Variants in PPP2R5E observed in about 807,000 individuals in gnomAD.
PPP2R5E encodes serine/threonine-protein phosphatase 2A 56 kDa regulatory subunit epsilon isoform.
Under a neutral mutation model 65.3 loss-of-function variants are expected in PPP2R5E, and 4 were observed. The observed-to-expected ratio is 0.06, with a 90% CI of 0.03 to 0.14. PPP2R5E has a LOEUF of 0.14. Ranked by LOEUF, PPP2R5E falls within the 10% of genes least tolerant of loss-of-function variation. The pLI, the probability that PPP2R5E is intolerant of heterozygous loss-of-function variation, is 1.00. For missense variants in PPP2R5E, 274 were observed against 556.1 expected, an observed-to-expected ratio of 0.49 and a Z score of 5.10; for synonymous variants, 183 against 187.4, an observed-to-expected ratio of 0.98 and a Z score of 0.19.
chr14:63,384,360 A>G, intron 12 of PPP2R5E, 84 bp downstream of exon 12: 4 of 1,468,172 alleles, frequency 2.7e-6, no homozygotes, highest in Non-Finnish European at 3.8e-6. Context: ...AGCAACAAGG[A>G]CAGCATCTGG....
chr14:63,519,668 C>CT (rs879481527), intron 2 of PPP2R5E, among the ~76,000 whole-genome samples: 2,882 of 140,204 alleles, frequency 0.021, 90 homozygotes, highest in African/African-American at 0.062. Flanking sequence ...GACAAACTCT[C>CT]TTTTTTTTTT....
In PPP2R5E at chr14:63,448,957, T is replaced by C. The variant is rs139621043; in HGVS notation, c.354+4732A>G. 4.8e-3 allele frequency among the ~76,000 whole-genome samples: 729 copies of C among 152,296 alleles called. 25 individuals carry two copies. The highest frequency in any genetic ancestry group is 0.038 in the Admixed American group (580 of 15,308). ...TGTTAAAAATGGTTTCCACAACACA[T>C]AGATTACTTTTATCTCTTACTCTTT... On this transcript the variant is annotated intron_variant, in intron 3 of 13. Transcript: ENST00000337537.
chr14:63,519,867 G>T (rs555375731), intron 2 of PPP2R5E, among the ~76,000 whole-genome samples: 10 of 151,288 alleles, frequency 6.6e-5, no homozygotes, highest in African/African-American at 2.4e-4. Flanking sequence ...TCACCATGTT[G>T]ATCAGGCTGG....
chr14:63,394,058 A>C, intron 7 of PPP2R5E, 130 bp from the exon 8 acceptor site: 1 of 378,458 alleles, frequency 2.6e-6, no homozygotes, highest in Non-Finnish European at 4.8e-6. Flanking sequence ...CCCCAGTGGC[A>C]TTCAGAATTT....
At chr14:63,500,654 G>C (rs1431239152) in intron 2 of PPP2R5E, among the ~76,000 whole-genome samples, 4 of 152,082 alleles carry the variant, frequency 2.6e-5, no homozygotes, top group African/African-American at 9.7e-5. Flanking sequence ...AAGAGTTTGA[G>C]ACAATAGAGC....
At chr14:63,449,602 T>G (rs763901359) in intron 3 of PPP2R5E, among the ~76,000 whole-genome samples, 115 of 152,196 alleles carry the variant, frequency 7.6e-4, no homozygotes, top group South Asian at 2.1e-3. Flanking sequence ...TAAGCACACG[T>G]TCTATGGACT....
intron 2 of PPP2R5E, among the ~76,000 whole-genome samples, chr14:63,521,023 A>G (rs1299891531): frequency 6.6e-6 from 1 of 152,060 alleles, no homozygotes; most frequent in African/African-American, 2.4e-5. Context: ...TGGGCAACAG[A>G]GTGAGACTCT....
intron 3 of PPP2R5E, among the ~76,000 whole-genome samples, chr14:63,422,729 TAAAAAAAAAAAA>T (rs567590182): frequency 0.036 from 3,157 of 88,252 alleles, 65 homozygotes; most frequent in Non-Finnish European, 0.049. Flanking sequence ...TCCGTCTATT[TAAAAAAAAAAAA>T]AAAAAAAAAA....
chr14:63,519,507 ATTT>A (rs557285871), intron 2 of PPP2R5E, among the ~76,000 whole-genome samples: 1 of 124,322 alleles, frequency 8.0e-6, no homozygotes. Flanking sequence ...TGCCCAGCTA[ATTT>A]TTTTTTTTTT....
chr14:63,392,020 T>C lies in PPP2R5E; in HGVS notation c.855A>G (p.Ala285=), dbSNP rs140406327. The C allele has an allele frequency of 1.3e-5, 21 of 1,599,148 alleles. 1 individual carries two copies. Among genetic ancestry groups the C allele is most frequent in the South Asian group, 3.4e-5 (3 of 86,980 alleles). Residue 285 remains alanine (A), a synonymous_variant, in exon 9 of 14, where the codon GCA becomes GCG. Coordinates refer to ENST00000337537, the MANE Select transcript of PPP2R5E (RefSeq NM_006246.5). ...TCTCCAGAAACTGTACTATACAATA[T>C]GCCAGCTGAGTAAAAAATAAAATAA... is the stretch of plus-strand genomic sequence containing the variant. ...RSLSLFHAQL[A]YCIVQFLEKD...
At chr14:63,500,738 C>T (rs575448172) in intron 2 of PPP2R5E, among the ~76,000 whole-genome samples, 2 of 152,052 alleles carry the variant, frequency 1.3e-5, no homozygotes, top group African/African-American at 4.8e-5. Flanking sequence ...CATGGTGGTG[C>T]ATCTGTGGTC....
intron 1 of PPP2R5E, among the ~76,000 whole-genome samples, chr14:63,542,266 G>C (rs983245477): frequency 3.3e-5 from 5 of 152,186 alleles, no homozygotes; most frequent in Non-Finnish European, 7.3e-5. Flanking sequence ...CAGGGAAACA[G>C]GTTTCGCCCT....
chr14:63,417,691 T>A (rs1234549656), intron 4 of PPP2R5E, among the ~76,000 whole-genome samples: 11 of 152,182 alleles, frequency 7.2e-5, no homozygotes. Context: ...TCTTCAAAGA[T>A]GTTCTCAAGT....
At chr14:63,466,931 T>TTAAAAACATTATTGGCCGGG (rs1244671303) in intron 2 of PPP2R5E, among the ~76,000 whole-genome samples, 3 of 152,020 alleles carry the variant, frequency 2.0e-5, no homozygotes, top group Non-Finnish European at 4.4e-5. Flanking sequence ...AGAAAAGTAT[T>TTAAAAACATTATTGGCCGGG]TAAAAACATT....
chr14:63,522,677 C>T (rs1251008637), intron 2 of PPP2R5E, among the ~76,000 whole-genome samples: 24 of 150,460 alleles, frequency 1.6e-4, no homozygotes, highest in Non-Finnish European at 5.9e-5. Context: ...CCGGCCGCGA[C>T]CCCGTCTGGG....
chr14:63,387,312 C>G (rs1028466454), intron 11 of PPP2R5E, among the ~76,000 whole-genome samples: 2 of 152,132 alleles, frequency 1.3e-5, no homozygotes, highest in African/African-American at 4.8e-5. Context: ...TATGTAAACC[C>G]ACTAATAAAA....
At chr14:63,470,354 T>G (rs1439086667) in intron 2 of PPP2R5E, among the ~76,000 whole-genome samples, 1 of 151,582 alleles carries the variant, frequency 6.6e-6, no homozygotes, top group African/African-American at 2.4e-5. Context: ...ATTACAAGTG[T>G]GAGCCCCTGC....
At chr14:63,400,971 A>G (rs1469925165) in intron 5 of PPP2R5E, among the ~76,000 whole-genome samples, 1 of 152,194 alleles carries the variant, frequency 6.6e-6, no homozygotes, top group African/African-American at 2.4e-5. Flanking sequence ...TTCCTTGTAT[A>G]CTGTTAATCT....
chr14:63,381,686 C>T (rs1310158565), intron 13 of PPP2R5E, among the ~76,000 whole-genome samples: 1 of 152,130 alleles, frequency 6.6e-6, no homozygotes, highest in African/African-American at 2.4e-5. Flanking sequence ...CCACATATAC[C>T]ACGGTGGTCC....
Sources: gnomAD v4.1 joint callset for allele counts (sites outside exome capture counted in the v4.1 genomes callset) on GRCh38, gnomAD v4.1.1 for gene constraint, MANE v1.5 for transcripts, NCBI Gene and HGNC (gene_info 2026-07-23, HGNC 2026-07-21) for gene names.